ASIC2: variants seen among roughly 807,000 people sequenced by gnomAD.
The protein encoded by ASIC2 is acid-sensing ion channel 2.
Under a neutral mutation model 57.3 loss-of-function variants are expected in ASIC2, and 25 were observed. That is an observed-to-expected ratio of 0.44 (90% confidence interval 0.32 to 0.61). The LOEUF (loss-of-function observed/expected upper bound fraction) is 0.61, where lower values mean the gene tolerates loss of function less well. Ranked by LOEUF, ASIC2 falls within the 20% of genes least tolerant of loss-of-function variation. ASIC2 has a pLI of 0.06. For missense variants in ASIC2, 641 were observed against 738.1 expected, an observed-to-expected ratio of 0.87 and a Z score of 1.52; for synonymous variants, 319 against 307.5, an observed-to-expected ratio of 1.04 and a Z score of -0.39.
rs1031114587 is a variant in ASIC2 at position 34,037,877 on chromosome 17, T to C, written c.555+118101A>G. 5.6e-6 allele frequency: 9 copies of C among 1,613,808 alleles called. No individual in the cohort carries two copies. The East Asian group carries it at 2.0e-4, about 36-fold the overall frequency. ...AATCGTATTCTCTTGTAGGATGTCT[T>C]GCTGAGACTGGTTATGGCCAAAAGG... On this transcript the variant is annotated intron_variant, in intron 1 of 9. Transcript: ENST00000359872.
intron 8 of ASIC2, among the ~76,000 whole-genome samples, chr17:33,017,321 C>T (rs552903332): frequency 1.3e-5 from 2 of 152,356 alleles, no homozygotes; most frequent in South Asian, 4.1e-4. Context: ...CCCCCTTCCC[C>T]TCATCCCTCC....
At chr17:33,094,026 G>T (rs1165705891) in intron 2 of ASIC2, among the ~76,000 whole-genome samples, 2 of 152,170 alleles carry the variant, frequency 1.3e-5, no homozygotes, top group Non-Finnish European at 2.9e-5. Context: ...ACAATGGCCA[G>T]CCATATAAGG....
chr17:33,083,349 T>C (rs1181074388), intron 3 of ASIC2, among the ~76,000 whole-genome samples: 1 of 152,180 alleles, frequency 6.6e-6, no homozygotes, highest in Non-Finnish European at 1.5e-5. Flanking sequence ...TAAGCCTACA[T>C]GGGACTGTTG....
intron 2 of ASIC2, among the ~76,000 whole-genome samples, chr17:33,099,485 T>C (rs1351295821): frequency 6.6e-6 from 1 of 152,228 alleles, no homozygotes; most frequent in African/African-American, 2.4e-5. Flanking sequence ...GTCTTGGTTA[T>C]GCAACTGAGA....
chr17:33,070,558 G>C (rs1193516537), intron 3 of ASIC2, among the ~76,000 whole-genome samples: 1 of 151,990 alleles, frequency 6.6e-6, no homozygotes. Context: ...GTATGGTCTC[G>C]ATCTCTTGAC....
intron 1 of ASIC2, among the ~76,000 whole-genome samples, chr17:33,225,464 C>T (rs1397957467): frequency 6.6e-6 from 1 of 152,180 alleles, no homozygotes; most frequent in African/African-American, 2.4e-5. Context: ...GGCATCTAGT[C>T]AGAAGTTAGT....
chr17:34,084,110 T>G (rs1422244738), intron 1 of ASIC2, among the ~76,000 whole-genome samples: 1 of 151,940 alleles, frequency 6.6e-6, no homozygotes, highest in Non-Finnish European at 1.5e-5. Flanking sequence ...GCCTATGTCC[T>G]GAATAGTAAT....
In ASIC2 at chr17:33,052,683, C is replaced by T. The variant is rs150668083; in HGVS notation, c.988-24291G>A. 2.4e-3 allele frequency: 364 copies of T among 152,302 alleles called. 2 individuals carry two copies. The highest frequency in any genetic ancestry group is 4.0e-3 in the Non-Finnish European group (269 of 68,090). 9.4% of individuals were successfully genotyped at this position (152,302 alleles called of 1,614,324 possible). A position where few individuals can be genotyped will look rare whatever the true frequency, so the allele number is the denominator to read the frequency against. Reference sequence around the variant, plus strand: ...TTGGGTCGGGGGTGGCTAGGCAAATCGTGCCCACTGAGCTCTAGCGGGTAT... The same window carrying T: ...TTGGGTCGGGGGTGGCTAGGCAAATTGTGCCCACTGAGCTCTAGCGGGTAT... On this transcript the variant is annotated intron_variant, in intron 3 of 9. Coordinates refer to ENST00000225823, the MANE Select transcript of ASIC2 (RefSeq NM_183377.2).
chr17:33,758,674 T>C (rs1048391170), intron 1 of ASIC2, among the ~76,000 whole-genome samples: 2 of 151,998 alleles, frequency 1.3e-5, no homozygotes, highest in Non-Finnish European at 2.9e-5. Flanking sequence ...CTGGTGGCAA[T>C]GTAAGAAGAG....
intron 1 of ASIC2, among the ~76,000 whole-genome samples, chr17:33,921,770 C>A (rs964490108): frequency 5.3e-5 from 8 of 152,140 alleles, no homozygotes; most frequent in Non-Finnish European, 1.2e-4. Context: ...GTCCTGATGA[C>A]CTGGCATACA....
intron 1 of ASIC2, among the ~76,000 whole-genome samples, chr17:33,183,216 AT>A (rs1367942851): frequency 6.6e-6 from 1 of 152,204 alleles, no homozygotes; most frequent in Non-Finnish European, 1.5e-5. Context: ...ACTAACCTTT[AT>A]TTTTGCCAAA....
Position 33,797,877 on chromosome 17 carries a change from A to G in ASIC2, c.555+358101T>C, listed in dbSNP as rs73986719. On this transcript the variant is annotated intron_variant, in intron 1 of 9. Transcript: ENST00000359872. ...CCTGAGTGCTTCTTCCTACAACTTC[A>G]GCATCCTATGGCTTCCTCCTTCTCA... 7.7e-4 allele frequency among the ~76,000 whole-genome samples: 117 copies of G among 152,284 alleles called. 2 individuals carry two copies. The highest frequency in any genetic ancestry group is 2.7e-3 in the African/African-American group (114 of 41,540).
intron 1 of ASIC2, chr17:33,828,586 G>A (rs1913014137): frequency 6.6e-6 from 1 of 152,178 alleles, no homozygotes; most frequent in Non-Finnish European, 1.5e-5. Flanking sequence ...CTCGTCTCCT[G>A]ATGGCTCTTG....
intron 1 of ASIC2, among the ~76,000 whole-genome samples, chr17:33,486,428 C>T (rs1429571483): frequency 1.3e-5 from 2 of 152,212 alleles, no homozygotes; most frequent in Non-Finnish European, 1.5e-5. Context: ...CCTCTACTCA[C>T]GTTTTTTCCT....
At chr17:33,644,867 A>G (rs1196061070) in intron 1 of ASIC2, among the ~76,000 whole-genome samples, 2 of 152,216 alleles carry the variant, frequency 1.3e-5, no homozygotes, top group African/African-American at 2.4e-5. Flanking sequence ...TATGTGAAAC[A>G]TTCCTAGACT....
rs1257528554 is a variant in ASIC2 at position 34,037,861 on chromosome 17, C to A, written c.555+118117G>T. 2.5e-6 allele frequency: 4 copies of A among 1,613,850 alleles called. No individual in the cohort carries two copies. The South Asian group carries it at 3.3e-5, about 13-fold the overall frequency. ...CTTCAGTAGCTTTAAGAATCGTATT[C>A]TCTTGTAGGATGTCTTGCTGAGACT... On this transcript the variant is annotated intron_variant, in intron 1 of 9. Coordinates refer to the ASIC2 transcript ENST00000359872.
At chr17:33,722,783 C>CA (rs1016657960) in intron 1 of ASIC2, among the ~76,000 whole-genome samples, 79 of 151,130 alleles carry the variant, frequency 5.2e-4, no homozygotes, top group Admixed American at 8.6e-4. Flanking sequence ...ACAATGGCAA[C>CA]AAAAAAAAGA....
intron 1 of ASIC2, among the ~76,000 whole-genome samples, chr17:33,383,639 T>C (rs1210412746): frequency 1.3e-5 from 2 of 152,240 alleles, no homozygotes; most frequent in African/African-American, 4.8e-5. Context: ...AGAGTCAGGT[T>C]AGCCCCCACC....
At chr17:33,707,256 A>G (rs1385343935) in intron 1 of ASIC2, among the ~76,000 whole-genome samples, 1 of 152,164 alleles carries the variant, frequency 6.6e-6, no homozygotes, top group East Asian at 1.9e-4. Context: ...AGCTTTTAAA[A>G]TCTGAAAACC....
Sources: allele counts gnomAD v4.1 joint callset (sites outside exome capture counted in the v4.1 genomes callset), GRCh38; gene constraint gnomAD v4.1.1; transcripts MANE v1.5; gene names NCBI Gene and HGNC (gene_info 2026-07-23, HGNC 2026-07-21).